The following UTP20 variants were observed in gnomAD, a reference collection of about 807,000 sequenced individuals.
UTP20 encodes the protein UTP20 small subunit processome component.
UTP20 carries 164 observed loss-of-function variants against 329.5 expected under a neutral mutation model. The observed-to-expected ratio is 0.50, with a 90% confidence interval of 0.44 to 0.57. UTP20 has a LOEUF of 0.57. UTP20 is among the 20% of genes least tolerant of loss of function. UTP20 has a pLI of 0.00. For synonymous variants in UTP20, 1,151 were observed against 1,159.3 expected, an observed-to-expected ratio of 0.99 and a Z score of 0.14; for missense variants, 3,055 against 3,284.2, an observed-to-expected ratio of 0.93 and a Z score of 1.71.
intron 15 of UTP20, among the ~76,000 whole-genome samples, chr12:101,305,130 T>TGGTTTTCTGGAGAAAACCAG (rs927390622): frequency 1.3e-4 from 19 of 151,898 alleles, no homozygotes; most frequent in Non-Finnish European, 2.2e-4. Context: ...CTTTTTCCCC[T>TGGTTTTCTGGAGAAAACCAG]GGTTTTCTGG....
chr12:101,297,838 C>A (rs1014021172), intron 12 of UTP20, among the ~76,000 whole-genome samples: 7 of 152,166 alleles, frequency 4.6e-5, no homozygotes, highest in African/African-American at 1.7e-4. Context: ...CTTACCCCAT[C>A]ATCTCAGCCA....
intron 47 of UTP20, among the ~76,000 whole-genome samples, chr12:101,367,129 T>A (rs1198933584): frequency 1.3e-5 from 2 of 151,858 alleles, no homozygotes; most frequent in East Asian, 3.9e-4. Flanking sequence ...AAAAAAATTT[T>A]TTTTAATTAG....
chr12:101,303,154 G>T (rs1392311705), intron 15 of UTP20, among the ~76,000 whole-genome samples: 1 of 152,152 alleles, frequency 6.6e-6, no homozygotes, highest in Non-Finnish European at 1.5e-5. Flanking sequence ...GTGTTTTAAA[G>T]ATTTATTCAT....
chr12:101,307,717 A>C (rs1872678682), intron 17 of UTP20, among the ~76,000 whole-genome samples: 1 of 152,122 alleles, frequency 6.6e-6, no homozygotes, highest in African/African-American at 2.4e-5. Flanking sequence ...ATACTACTCC[A>C]CAGTTGAAAA....
At chr12:101,357,944 G>A (rs1869779730) in intron 43 of UTP20, among the ~76,000 whole-genome samples, 1 of 152,238 alleles carries the variant, frequency 6.6e-6, no homozygotes, top group East Asian at 1.9e-4. Flanking sequence ...ATGATCCCTG[G>A]GTGATTTAAA....
intron 23 of UTP20, among the ~76,000 whole-genome samples, chr12:101,319,890 G>GC (rs1873094087): frequency 6.6e-6 from 1 of 152,092 alleles, no homozygotes; most frequent in South Asian, 2.1e-4. Flanking sequence ...AGTGAGAATA[G>GC]CAAAGCATGA....
chr12:101,382,170 C>T lies in UTP20; in HGVS notation c.7657-871C>T, dbSNP rs538908782. Among the ~76,000 whole-genome samples the T allele has an allele frequency of 7.8e-4, 118 of 152,120 alleles. 4 individuals are homozygous for T. In the South Asian group the frequency reaches 0.023, roughly 30 times the overall value. ...CTGTAACATCAGCACTTCAGGAGGCCGAGATGAGCAGATCTCTCGAGGCCA... is the reference window on the plus strand; with the variant it reads ...CTGTAACATCAGCACTTCAGGAGGCTGAGATGAGCAGATCTCTCGAGGCCA... On this transcript the variant is annotated intron_variant, in intron 58 of 61. Transcript: ENST00000261637.
rs374084644 is a variant in UTP20, at chr12:101,370,568, G to A, written c.6687+5G>A. 6.5e-5 allele frequency: 105 copies of A among 1,610,712 alleles called. No individual in the cohort carries two copies. The highest frequency in any genetic ancestry group is 8.9e-5 in the Non-Finnish European group (105 of 1,178,584). On this transcript the variant is annotated splice_donor_5th_base_variant and intron_variant, in intron 50 of 61. Coordinates refer to ENST00000261637, the MANE Select transcript of UTP20 (RefSeq NM_014503.3). ...ACTGCCTTTGGTCTTCTGAAGGTAT[G>A]CTGTCGCCAGAATGTTGACTGTTAC...
At chr12:101,351,935 G>A (rs1393452119) in intron 38 of UTP20, 120 bp from the exon 39 acceptor site, 11 of 1,179,198 alleles carry the variant, frequency 9.3e-6, no homozygotes, top group Non-Finnish European at 1.2e-5. Context: ...AGTATAGTTT[G>A]GACATTCTTT....
chr12:101,381,019 A>T, intron 57 of UTP20, 121 bp from the exon 58 acceptor site: 2 of 773,232 alleles, frequency 2.6e-6, no homozygotes, highest in Non-Finnish European at 4.4e-6. Flanking sequence ...AAATCTATAC[A>T]GGTGGTCATT....
In UTP20 at chr12:101,372,849, A is replaced by G. The variant is rs114694830; in HGVS notation, c.6799-35A>G. On this transcript the variant is annotated intron_variant, in intron 51 of 61. Coordinates refer to ENST00000261637, the MANE Select transcript of UTP20 (RefSeq NM_014503.3). Reference sequence around the variant, plus strand: ...AGGAAACAGGAATACTAGAGGTGAGATCCAAATAATCATCTGTGTGACTTT... The same window carrying G: ...AGGAAACAGGAATACTAGAGGTGAGGTCCAAATAATCATCTGTGTGACTTT... The G allele has an allele frequency of 2.5e-3, 3,817 of 1,553,704 alleles. 100 individuals carry two copies. The African/African-American group carries it at 0.047, about 19-fold the overall frequency.
At chr12:101,345,912 C>T (rs1446967521) in intron 37 of UTP20, among the ~76,000 whole-genome samples, 1 of 152,178 alleles carries the variant, frequency 6.6e-6, no homozygotes, top group Middle Eastern at 3.2e-3. Context: ...AATAGTGTCG[C>T]TTTTCTCTGC....
At position 101,352,172 on chromosome 12, in the gene UTP20, A is replaced by T; in HGVS notation, c.5002A>T (p.Ile1668Phe). The T allele has an allele frequency of 1.2e-6, 2 of 1,609,300 alleles. No homozygotes were observed. The highest frequency in any genetic ancestry group is 2.7e-5 in the African/African-American group (2 of 74,900). Residue 1668 changes from isoleucine (I) to phenylalanine (F), a missense_variant, in exon 39 of 62, where the codon ATC becomes TTC. Coordinates refer to ENST00000261637, the MANE Select transcript of UTP20 (RefSeq NM_014503.3). Reference protein sequence around the residue: ...HFIHVLQTGQINQKLGVSLLV... With the variant: ...HFIHVLQTGQFNQKLGVSLLV... ...CATTCATGTCTTACAAACGGGACAG[A>T]TCAATCAAAAACTGGGTGTCAGGTG... is the stretch of plus-strand genomic sequence containing the variant.
chr12:101,373,528 C>T, intron 53 of UTP20, 57 bp from the exon 54 acceptor site: 2 of 1,613,430 alleles, frequency 1.2e-6, no homozygotes, highest in Non-Finnish European at 1.7e-6. Context: ...TCCCCCTTTG[C>T]TAGAGCATCT....
At chr12:101,293,771 A>G (rs79540850) in intron 11 of UTP20, among the ~76,000 whole-genome samples, 2,995 of 152,320 alleles carry the variant, frequency 0.02, 62 homozygotes, top group African/African-American at 0.053. Context: ...TTGCCTAAAA[A>G]GAACACTTTT....
At chr12:101,339,862 A>G (rs1203898209) in intron 31 of UTP20, among the ~76,000 whole-genome samples, 2 of 152,224 alleles carry the variant, frequency 1.3e-5, no homozygotes, top group Admixed American at 1.3e-4. Context: ...ACAAAAAGTG[A>G]TATGTTCGAA....
At chr12:101,296,648 T>G (rs1324810842) in intron 12 of UTP20, among the ~76,000 whole-genome samples, 1 of 151,680 alleles carries the variant, frequency 6.6e-6, no homozygotes, top group Admixed American at 6.6e-5. Flanking sequence ...CTGAGGAGGC[T>G]GAGGCAGGAG....
At chr12:101,325,269 C>T (rs1868515666) in intron 25 of UTP20, among the ~76,000 whole-genome samples, 1 of 152,240 alleles carries the variant, frequency 6.6e-6, no homozygotes. Flanking sequence ...GCTCATCCCT[C>T]TGCATAGAAG....
intron 24 of UTP20, 60 bp from the exon 25 acceptor site, chr12:101,321,440 CTCTT>C: frequency 1.3e-6 from 2 of 1,594,866 alleles, no homozygotes; most frequent in Non-Finnish European, 8.5e-7. Context: ...ACATATTTCA[CTCTT>C]TCATTATTCA....
Sources: allele counts gnomAD v4.1 joint callset (sites outside exome capture counted in the v4.1 genomes callset), GRCh38; gene constraint gnomAD v4.1.1; transcripts MANE v1.5; gene names NCBI Gene and HGNC (gene_info 2026-07-23, HGNC 2026-07-21).